FAM227A: variants seen among roughly 807,000 people sequenced by gnomAD.
The protein encoded by FAM227A is family with sequence similarity 227 member A, also known as protein FAM227A.
A neutral mutation model predicts 74.7 loss-of-function variants in FAM227A; 80 were observed. The observed-to-expected ratio is 1.07, with a 90% CI of 0.89 to 1.29. The LOEUF (loss-of-function observed/expected upper bound fraction) is 1.29, where lower values mean the gene tolerates loss of function less well. Among genes scored for constraint, FAM227A ranks in the 50% most tolerant of loss-of-function variants. The probability of loss-of-function intolerance (pLI) is 0.00; values close to 1 mark genes in which losing one functional copy is unlikely to be tolerated. For synonymous variants in FAM227A, 237 were observed against 241.8 expected, an observed-to-expected ratio of 0.98 and a Z score of 0.19; for missense variants, 654 against 683.4, an observed-to-expected ratio of 0.96 and a Z score of 0.48.
chr22:38,582,927 G>A lies in FAM227A; in HGVS notation c.*3198C>T. 2 of 1,550,546 alleles carry A rather than the reference G, an allele frequency of 1.3e-6. No homozygotes were observed. The highest frequency in any genetic ancestry group is 2.4e-5 in the East Asian group (1 of 40,922). ...ACGTCTAAGCGGGGTCCTGGAGGAA[G>A]AGCAGGAATTAGTGATGTTGGCAGT... is the stretch of plus-strand genomic sequence containing the variant. On this transcript the variant is annotated 3_prime_UTR_variant, in exon 17 of 17. Transcript: ENST00000535113.
intron 1 of FAM227A, among the ~76,000 whole-genome samples, chr22:38,654,709 T>C (rs1055528203): frequency 1.4e-5 from 2 of 142,772 alleles, no homozygotes; most frequent in African/African-American, 5.3e-5. Flanking sequence ...GGCAGGCGGA[T>C]CATGAGGTCA....
Position 38,626,307 on chromosome 22 carries a change from C to G in FAM227A, c.727-4G>C. ...TGCTGAGAAGTGATGGCAGCCTCTG[C>G]GGAGCAAGCCGAGCTCAGGCAACGT... is the stretch of plus-strand genomic sequence containing the variant. On this transcript the variant is annotated splice_polypyrimidine_tract_variant and splice_region_variant and intron_variant, in intron 8 of 16. Transcript: ENST00000535113. 1 of 1,550,014 alleles carries G rather than the reference C, an allele frequency of 6.5e-7. No individual in the cohort carries two copies. Among genetic ancestry groups the G allele is most frequent in the African/African-American group, 1.4e-5 (1 of 73,102 alleles).
intron 16 of FAM227A, 152 bp downstream of exon 16, chr22:38,591,283 C>T: frequency 7.3e-7 from 1 of 1,363,536 alleles, no homozygotes; most frequent in South Asian, 2.0e-5. Context: ...ATGATGGCAC[C>T]ACTGCACTCA....
intron 3 of FAM227A, among the ~76,000 whole-genome samples, chr22:38,645,086 A>T (rs1020202790): frequency 8.0e-6 from 1 of 125,184 alleles, no homozygotes; most frequent in Non-Finnish European, 1.7e-5. Flanking sequence ...TCTCTGTCTC[A>T]AAAATAAATA....
Position 38,650,195 on chromosome 22 carries a change from C to A in FAM227A, c.-27G>T, listed in dbSNP as rs1197543918. ...GTCCAATTTCTTGTAAATGGACAAA[C>A]AAAAAGCTTCCACTTTTAAGAGCCT... On this transcript the variant is annotated 5_prime_UTR_variant, in exon 2 of 17. Coordinates refer to ENST00000535113, the MANE Select transcript of FAM227A (RefSeq NM_001013647.2). 6.5e-7 allele frequency: 1 copy of A among 1,548,554 alleles called. No homozygotes were observed. Among genetic ancestry groups the A allele is most frequent in the East Asian group, 2.4e-5 (1 of 40,898 alleles).
chr22:38,612,143 G>C (rs1016965909), intron 11 of FAM227A, among the ~76,000 whole-genome samples: 2 of 152,062 alleles, frequency 1.3e-5, no homozygotes, highest in African/African-American at 4.8e-5. Flanking sequence ...CCTCCCAGCT[G>C]GTCTTCTGTG....
In FAM227A at chr22:38,650,644, T is replaced by C. The variant is rs996398250; in HGVS notation, c.-94-382A>G. On this transcript the variant is annotated intron_variant, in intron 1 of 16. Coordinates refer to ENST00000535113, the MANE Select transcript of FAM227A (RefSeq NM_001013647.2). ...TCCCAACTCTAAAAGAGATTTGGAT[T>C]AGGTGACCCTAAGGCTCTCTCCAGC... 2.0e-5 allele frequency among the ~76,000 whole-genome samples: 3 copies of C among 152,204 alleles called. 1 individual carries two copies. Among genetic ancestry groups the C allele is most frequent in the African/African-American group, 7.2e-5 (3 of 41,444 alleles).
Position 38,581,940 on chromosome 22 carries a change from A to C in FAM227A, c.*4185T>G, listed in dbSNP as rs2090712387. 5.9e-6 allele frequency: 1 copy of C among 169,826 alleles called. No individual in the cohort carries two copies. Among genetic ancestry groups the C allele is most frequent in the South Asian group, 1.6e-4 (1 of 6,344 alleles). 10.5% of individuals were successfully genotyped at this position (169,826 alleles called of 1,614,324 possible). On this transcript the variant is annotated 3_prime_UTR_variant, in exon 17 of 17. Transcript: ENST00000535113. ...TATGTTTTTGTAGAGGCAAGGTCTC[A>C]CTATGTTGTCCTGTTTGGTCTCAAA...
rs143675404 is a variant in FAM227A, at chr22:38,632,135, A to C, written c.520-3200T>G. ...GGGTATGAGAGCCTGAGGGGCACTG[A>C]GGTTAGATAGAGGCAGAGGGATGGA... On this transcript the variant is annotated intron_variant, in intron 6 of 16. Coordinates refer to ENST00000535113, the MANE Select transcript of FAM227A (RefSeq NM_001013647.2). 2.4e-3 allele frequency among the ~76,000 whole-genome samples: 365 copies of C among 152,232 alleles called. 1 individual carries two copies. The highest frequency in any genetic ancestry group is 8.7e-3 in the African/African-American group (360 of 41,542).
intron 1 of FAM227A, among the ~76,000 whole-genome samples, chr22:38,651,330 T>C (rs1034666174): frequency 1.3e-5 from 2 of 152,238 alleles, no homozygotes; most frequent in African/African-American, 4.8e-5. Flanking sequence ...AGGCAAATTA[T>C]GGATTAACTG....
intron 11 of FAM227A, among the ~76,000 whole-genome samples, chr22:38,617,498 T>C (rs2091603501): frequency 1.3e-5 from 2 of 152,090 alleles, no homozygotes; most frequent in Admixed American, 1.3e-4. Flanking sequence ...GGTTTCACCG[T>C]GTTAGCTAAG....
intron 8 of FAM227A, among the ~76,000 whole-genome samples, chr22:38,628,013 T>C (rs765588875): frequency 2.0e-5 from 3 of 152,056 alleles, no homozygotes; most frequent in Non-Finnish European, 4.4e-5. Flanking sequence ...TCATATAGAG[T>C]TGTACAAATT....
chr22:38,651,780 T>C (rs1231942249), intron 1 of FAM227A, among the ~76,000 whole-genome samples: 1 of 139,664 alleles, frequency 7.2e-6, no homozygotes, highest in Non-Finnish European at 1.6e-5. Flanking sequence ...ATATCTACCC[T>C]GTGGCAAGCA....
intron 3 of FAM227A, among the ~76,000 whole-genome samples, chr22:38,641,987 G>A (rs1252361728): frequency 1.4e-5 from 2 of 144,102 alleles, no homozygotes; most frequent in Non-Finnish European, 3.0e-5. Context: ...GCACGTGTGT[G>A]TGCGCGTGTG....
chr22:38,578,353 G>A lies in FAM227A; in HGVS notation c.*7772C>T, dbSNP rs375966252. On this transcript the variant is annotated 3_prime_UTR_variant, in exon 17 of 17. Coordinates refer to ENST00000535113, the MANE Select transcript of FAM227A (RefSeq NM_001013647.2). Reference sequence around the variant, plus strand: ...TCAGTCAGCTGCTGACTGAAACATCGTTACGTGGTGCATGACTGTGTGTAT... The same window carrying A: ...TCAGTCAGCTGCTGACTGAAACATCATTACGTGGTGCATGACTGTGTGTAT... 13 of 152,206 alleles carry A rather than the reference G, an allele frequency of 8.5e-5. No homozygotes were observed. The East Asian group carries it at 9.7e-4, about 11-fold the overall frequency. The allele number at this position is 152,206 out of a possible 1,614,324, so 9.4% of individuals were successfully genotyped here.
Position 38,638,779 on chromosome 22 carries a change from T to G in FAM227A, c.339A>C (p.Glu113Asp). ...RKSQYSCKGS[E>D]LRHARSSVIK... ...TAACAGAAGATCTGGCATGTCTGAG[T>G]TCGGAGCCTTTGCAGGAATACTGAG... is the stretch of plus-strand genomic sequence containing the variant. Residue 113 changes from glutamate to aspartate, a missense_variant, in exon 5 of 17, where the codon GAA becomes GAC. By Grantham distance (45) the Glu-to-Asp change is conservative. Coordinates refer to ENST00000535113, the MANE Select transcript of FAM227A (RefSeq NM_001013647.2). 6.5e-7 allele frequency: 1 copy of G among 1,543,958 alleles called. No individual in the cohort carries two copies. Among genetic ancestry groups the G allele is most frequent in the South Asian group, 1.2e-5 (1 of 82,402 alleles).
intron 7 of FAM227A, 122 bp downstream of exon 7, chr22:38,628,710 CAG>C (rs2091858657): frequency 1.4e-6 from 1 of 691,786 alleles, no homozygotes; most frequent in African/African-American, 1.8e-5. Context: ...GACTGGGTGA[CAG>C]GGGAGGCTGT....
intron 11 of FAM227A, among the ~76,000 whole-genome samples, chr22:38,609,964 G>A (rs1186682332): frequency 6.6e-6 from 1 of 152,128 alleles, no homozygotes. Flanking sequence ...GTAAAGACAG[G>A]GTTTCGCCTT....
At chr22:38,613,092 AT>A (rs1256448676) in intron 11 of FAM227A, among the ~76,000 whole-genome samples, 2 of 96,042 alleles carry the variant, frequency 2.1e-5, no homozygotes, top group South Asian at 2.5e-4. Flanking sequence ...TTATATATAT[AT>A]ATTATATATA....
Sources: gnomAD v4.1 joint callset for allele counts (sites outside exome capture counted in the v4.1 genomes callset) on GRCh38, gnomAD v4.1.1 for gene constraint, MANE v1.5 for transcripts, NCBI Gene and HGNC (gene_info 2026-07-23, HGNC 2026-07-21) for gene names.